Variants in SLC36A1 observed in about 807,000 individuals in gnomAD.
SLC36A1 encodes proton-coupled amino acid transporter 1.
A neutral mutation model predicts 47.5 loss-of-function variants in SLC36A1; 30 were observed. That is an observed-to-expected ratio of 0.63 (90% CI 0.47 to 0.86). The LOEUF (loss-of-function observed/expected upper bound fraction) is 0.86. SLC36A1 is among the 40% of genes least tolerant of loss of function. SLC36A1 has a pLI of 0.00. For synonymous variants in SLC36A1, 255 were observed against 249.7 expected (o/e 1.02, Z -0.20); for missense variants, 517 against 606.0 (o/e 0.85, Z 1.54).
the SLC36A1 span, among the ~76,000 whole-genome samples, chr5:151,399,031 TTAA>T: frequency 6.7e-6 from 1 of 149,306 alleles, no homozygotes; most frequent in African/African-American, 2.5e-5. Flanking sequence ...TGTGTGTATT[TTAA>T]TGTGTGTATA....
chr5:151,459,005 TC>T lies in SLC36A1; in HGVS notation c.143+76del, dbSNP rs1214717697. The stretch of plus-strand genomic sequence containing the variant: ...CCTAAGCCTCCCTTGGACTTATTTT[TC>T]CCCCCAATTTCATCAGTCCTCCACT... On this transcript the variant is annotated intron_variant, in intron 2 of 10. Coordinates refer to ENST00000243389, the MANE Select transcript of SLC36A1 (RefSeq NM_078483.4). 27 of 1,493,104 alleles carry T rather than the reference TC, an allele frequency of 1.8e-5. No individual in the cohort carries two copies. The South Asian group carries it at 3.0e-4, about 17-fold the overall frequency. The allele number at this position is 1,493,104 out of a possible 1,614,324, so 92.5% of individuals were successfully genotyped here.
chr5:151,406,234 C>T, the SLC36A1 span, among the ~76,000 whole-genome samples: 1 of 152,194 alleles, frequency 6.6e-6, no homozygotes, highest in East Asian at 1.9e-4. Context: ...CCCTAGAAAC[C>T]TGCAGGTCCT....
the SLC36A1 span, among the ~76,000 whole-genome samples, chr5:151,530,917 T>C: frequency 6.6e-6 from 1 of 152,108 alleles, no homozygotes; most frequent in Non-Finnish European, 1.5e-5. Context: ...ATGGTAAATT[T>C]TAAAAAATAT....
chr5:151,527,883 G>T, the SLC36A1 span: 1 of 1,359,658 alleles, frequency 7.4e-7, no homozygotes, highest in Non-Finnish European at 1.0e-6. Context: ...ATTCTGGGAA[G>T]GTCTGAGGAA....
intron 9 of SLC36A1, 172 bp downstream of exon 9, chr5:151,476,928 G>A: frequency 2.4e-6 from 2 of 817,582 alleles, no homozygotes; most frequent in Middle Eastern, 2.2e-4. Flanking sequence ...ATTCTGTTTG[G>A]GGAATTCATG....
the SLC36A1 span, chr5:151,545,310 G>A: frequency 6.2e-7 from 1 of 1,613,990 alleles, no homozygotes; most frequent in African/African-American, 1.3e-5. Context: ...CCCTGATGGT[G>A]AGCTTCCGAG....
chr5:151,549,240 C>T, the SLC36A1 span: 1 of 1,547,634 alleles, frequency 6.5e-7, no homozygotes, highest in Non-Finnish European at 8.8e-7. Context: ...TAGTGCTTTC[C>T]TTTATTTCTA....
At chr5:151,371,230 T>C in the SLC36A1 span, among the ~76,000 whole-genome samples, 1 of 152,158 alleles carries the variant, frequency 6.6e-6, no homozygotes. Context: ...CTAGAGACCT[T>C]GCATGGACCA....
the SLC36A1 span, among the ~76,000 whole-genome samples, chr5:151,359,706 T>G: frequency 6.6e-6 from 1 of 152,214 alleles, no homozygotes; most frequent in African/African-American, 2.4e-5. Context: ...CCTCTATAAA[T>G]TTGCCTTTTT....
the SLC36A1 span, among the ~76,000 whole-genome samples, chr5:151,537,354 A>G: frequency 5.6e-5 from 8 of 143,882 alleles, no homozygotes; most frequent in African/African-American, 1.8e-4. Context: ...AAAAGAAAAA[A>G]GAAGGAAGGA....
At chr5:151,481,200 G>A (rs1758752207) in intron 10 of SLC36A1, among the ~76,000 whole-genome samples, 1 of 152,204 alleles carries the variant, frequency 6.6e-6, no homozygotes, top group East Asian at 1.9e-4. Flanking sequence ...TCAACAGGAC[G>A]ATGCTCAGAA....
chr5:151,483,692 T>G (rs560986897), intron 10 of SLC36A1, among the ~76,000 whole-genome samples: 1 of 152,182 alleles, frequency 6.6e-6, no homozygotes, highest in African/African-American at 2.4e-5. Context: ...GCTTCTGGAG[T>G]TAGTTAAAGT....
chr5:151,433,261 T>TAC (rs1759545199), upstream of SLC36A1, among the ~76,000 whole-genome samples: 4 of 17,826 alleles, frequency 2.2e-4, no homozygotes, highest in African/African-American at 1.1e-3. Context: ...TATATATATA[T>TAC]ATATATTTTT....
intron 7 of SLC36A1, among the ~76,000 whole-genome samples, chr5:151,468,318 ATGTG>A (rs1756864819): frequency 9.3e-6 from 1 of 107,792 alleles, no homozygotes; most frequent in African/African-American, 3.6e-5. Flanking sequence ...ATTTACATAT[ATGTG>A]TATATGTTAT....
the SLC36A1 span, among the ~76,000 whole-genome samples, chr5:151,395,511 G>A: frequency 6.6e-6 from 1 of 152,318 alleles, no homozygotes; most frequent in Non-Finnish European, 1.5e-5. Flanking sequence ...GCTGGGAGCT[G>A]TAGACTGGAG....
At chr5:151,472,939 A>G (rs28591205) in intron 7 of SLC36A1, among the ~76,000 whole-genome samples, 6,593 of 152,270 alleles carry the variant, frequency 0.043, 458 homozygotes, top group African/African-American at 0.15. Context: ...AGGCCGAGGC[A>G]GGCAGATCAC....
intron 8 of SLC36A1, among the ~76,000 whole-genome samples, chr5:151,474,164 A>AG: frequency 7.9e-6 from 1 of 127,306 alleles, no homozygotes; most frequent in African/African-American, 4.2e-5. Flanking sequence ...TGTCTCAAAA[A>AG]AAAAAAAAAA....
At chr5:151,459,057 A>G (rs1755131228) in intron 2 of SLC36A1, 122 bp downstream of exon 2, 1 of 1,093,342 alleles carries the variant, frequency 9.1e-7, no homozygotes, top group Admixed American at 2.6e-5. Context: ...AGCAGTGAAG[A>G]GATTGGGCGA....
the SLC36A1 span, among the ~76,000 whole-genome samples, chr5:151,417,508 C>G: frequency 3.9e-5 from 6 of 152,282 alleles, no homozygotes; most frequent in South Asian, 1.0e-3. Flanking sequence ...AGCAAAGAGA[C>G]TGGCAGCATT....
Sources: allele counts gnomAD v4.1 joint callset (sites outside exome capture counted in the v4.1 genomes callset), GRCh38; gene constraint gnomAD v4.1.1; transcripts MANE v1.5; gene names NCBI Gene and HGNC (gene_info 2026-07-23, HGNC 2026-07-21).